Variants in MGAT4C observed in about 807,000 individuals in gnomAD.
MGAT4C encodes alpha-1,3-mannosyl-glycoprotein 4-beta-N-acetylglucosaminyltransferase C.
MGAT4C carries 19 observed loss-of-function variants against 40.1 expected under a neutral mutation model. That is an observed-to-expected ratio of 0.47 (90% CI 0.33 to 0.70). The LOEUF (loss-of-function observed/expected upper bound fraction) is 0.70, where lower values mean the gene tolerates loss of function less well. Among genes scored for constraint, MGAT4C ranks in the 30% least tolerant of loss-of-function variants. The pLI, the probability that MGAT4C is intolerant of heterozygous loss-of-function variation, is 0.02. For missense variants in MGAT4C, 491 were observed against 563.2 expected (o/e 0.87, Z 1.30); for synonymous variants, 181 against 187.1 (o/e 0.97, Z 0.27).
intron 2 of MGAT4C, among the ~76,000 whole-genome samples, chr12:86,606,049 G>T (rs1962031684): frequency 1.3e-5 from 2 of 152,232 alleles, no homozygotes; most frequent in South Asian, 4.1e-4. Context: ...CTGCAGGAAG[G>T]AGAAGTGCTA....
intron 4 of MGAT4C, among the ~76,000 whole-genome samples, chr12:86,313,892 A>G (rs1455818919): frequency 6.6e-6 from 1 of 152,218 alleles, no homozygotes; most frequent in East Asian, 1.9e-4. Context: ...CACAAATGTG[A>G]AACAATCTTA....
intron 2 of MGAT4C, among the ~76,000 whole-genome samples, chr12:86,653,550 A>T (rs984977833): frequency 2.6e-5 from 4 of 152,064 alleles, no homozygotes; most frequent in Non-Finnish European, 5.9e-5. Context: ...AGACCTGCTA[A>T]AATTTGGATG....
At chr12:86,665,922 C>A (rs764292949) in intron 2 of MGAT4C, among the ~76,000 whole-genome samples, 16 of 151,946 alleles carry the variant, frequency 1.1e-4, no homozygotes. Flanking sequence ...TCAAGAAGCA[C>A]AAAAATAACA....
intron 1 of MGAT4C, among the ~76,000 whole-genome samples, chr12:86,831,332 C>A (rs749477446): frequency 2.6e-5 from 4 of 151,672 alleles, no homozygotes; most frequent in African/African-American, 9.7e-5. Flanking sequence ...CAGAGAGCTA[C>A]GAGATGAACC....
chr12:86,477,060 T>C lies in MGAT4C; in HGVS notation c.-228-41795A>G, dbSNP rs112682769. 3.3e-3 allele frequency among the ~76,000 whole-genome samples: 500 copies of C among 151,874 alleles called. 2 individuals are homozygous for C. The highest frequency in any genetic ancestry group is 0.012 in the African/African-American group (483 of 41,448). ...TATACTCATGCAGCAACCCTGAAAA[T>C]TTAACCCCTGAATCCAAAATGAAAA... On this transcript the variant is annotated intron_variant, in intron 2 of 7. Coordinates refer to the MGAT4C transcript ENST00000548651.
intron 4 of MGAT4C, among the ~76,000 whole-genome samples, chr12:86,281,525 G>A (rs1953219569): frequency 6.6e-6 from 1 of 151,630 alleles, no homozygotes; most frequent in Non-Finnish European, 1.5e-5. Context: ...AATAATTATT[G>A]GAAGACTTTT....
chr12:86,501,785 A>G (rs1193365668), intron 2 of MGAT4C, among the ~76,000 whole-genome samples: 14 of 152,008 alleles, frequency 9.2e-5, no homozygotes, highest in Non-Finnish European at 1.5e-5. Flanking sequence ...TGCTATTGTG[A>G]ATAGTGCTGC....
chr12:86,822,067 T>G (rs2136227531), intron 1 of MGAT4C, among the ~76,000 whole-genome samples: 1 of 151,196 alleles, frequency 6.6e-6, no homozygotes, highest in South Asian at 2.1e-4. Context: ...TATGAGGGTG[T>G]TAAAGTGTAG....
intron 2 of MGAT4C, among the ~76,000 whole-genome samples, chr12:86,012,771 CAA>C: frequency 8.6e-6 from 1 of 116,880 alleles, no homozygotes; most frequent in African/African-American, 3.0e-5. Flanking sequence ...ACAACAACAA[CAA>C]CAACAACCAC....
At chr12:86,762,860 C>T (rs1277302076) in intron 1 of MGAT4C, among the ~76,000 whole-genome samples, 2 of 152,138 alleles carry the variant, frequency 1.3e-5, no homozygotes, top group African/African-American at 4.8e-5. Context: ...GCTCAATGCT[C>T]CATTCTGCCA....
intron 2 of MGAT4C, among the ~76,000 whole-genome samples, chr12:86,701,155 C>A (rs1475485562): frequency 1.3e-5 from 2 of 152,072 alleles, no homozygotes; most frequent in East Asian, 3.9e-4. Context: ...ATACATTCAA[C>A]TAATGATTAA....
intron 2 of MGAT4C, among the ~76,000 whole-genome samples, chr12:85,995,684 A>G (rs2136748861): frequency 6.6e-6 from 1 of 152,252 alleles, no homozygotes; most frequent in Admixed American, 6.5e-5. Flanking sequence ...CCTGGGCAAC[A>G]TAGTGAGACC....
At chr12:86,437,131 T>G (rs931436912) in intron 2 of MGAT4C, among the ~76,000 whole-genome samples, 4 of 151,774 alleles carry the variant, frequency 2.6e-5, no homozygotes, top group Non-Finnish European at 4.4e-5. Context: ...TTTTTATGTC[T>G]TTATTACAAA....
At chr12:86,178,295 A>C (rs117468425) in intron 1 of MGAT4C, among the ~76,000 whole-genome samples, 1 of 152,328 alleles carries the variant, frequency 6.6e-6, no homozygotes, top group East Asian at 1.9e-4. Context: ...AGAATATGAA[A>C]ATAAAATGAA....
At chr12:86,687,820 G>A (rs537216822) in intron 2 of MGAT4C, among the ~76,000 whole-genome samples, 1 of 152,174 alleles carries the variant, frequency 6.6e-6, no homozygotes, top group South Asian at 2.1e-4. Context: ...TTGATTTGGG[G>A]TGGAGTGTTC....
At chr12:86,676,564 T>C (rs1197821265) in intron 2 of MGAT4C, among the ~76,000 whole-genome samples, 1 of 152,166 alleles carries the variant, frequency 6.6e-6, no homozygotes, top group Non-Finnish European at 1.5e-5. Context: ...TATATCTTGT[T>C]TGGAGATGAA....
At chr12:86,500,894 A>G (rs914760604) in intron 2 of MGAT4C, among the ~76,000 whole-genome samples, 5 of 152,110 alleles carry the variant, frequency 3.3e-5, no homozygotes, top group Admixed American at 1.3e-4. Context: ...TATTGCTTGA[A>G]TGTAATCTTA....
chr12:86,399,527 T>C lies in MGAT4C; in HGVS notation c.-120+35630A>G, dbSNP rs192460101. On this transcript the variant is annotated intron_variant, in intron 3 of 7. Transcript: ENST00000548651. ...CCATCTCCTGACCTCGTGATCTGCC[T>C]GCCTCGACCTCCCAAAGTGCTGGGA... 5.9e-3 allele frequency among the ~76,000 whole-genome samples: 897 copies of C among 152,246 alleles called. 6 individuals are homozygous for C. Among genetic ancestry groups the C allele is most frequent in the African/African-American group, 0.021 (852 of 41,556 alleles).
intron 1 of MGAT4C, among the ~76,000 whole-genome samples, chr12:86,834,033 T>A (rs1192124779): frequency 6.6e-6 from 1 of 151,862 alleles, no homozygotes; most frequent in African/African-American, 2.4e-5. Context: ...TGAATAGTAT[T>A]TCATTGTGTA....
Sources: gnomAD v4.1 joint callset for allele counts (sites outside exome capture counted in the v4.1 genomes callset) on GRCh38, gnomAD v4.1.1 for gene constraint, MANE v1.5 for transcripts, NCBI Gene and HGNC (gene_info 2026-07-23, HGNC 2026-07-21) for gene names.